TMEM74: variants seen among roughly 807,000 people sequenced by gnomAD.
TMEM74 encodes transmembrane protein 74.
A neutral mutation model predicts 18.1 loss-of-function variants in TMEM74; 13 were observed. The ratio of observed to expected loss-of-function variants is 0.72; its 90% CI spans 0.47 to 1.14. The LOEUF is 1.14. Among genes scored for constraint, TMEM74 ranks in the 50% most tolerant of loss-of-function variants. TMEM74 has a pLI of 0.00. For synonymous variants in TMEM74, 159 were observed against 146.6 expected (o/e 1.08, Z -0.61); for missense variants, 372 against 375.9 (o/e 0.99, Z 0.09).
intron 2 of TMEM74, among the ~76,000 whole-genome samples, chr8:108,629,021 C>T (rs1362077953): frequency 6.6e-6 from 1 of 151,782 alleles, no homozygotes; most frequent in African/African-American, 2.4e-5. Context: ...GTTTCTTGTA[C>T]ACTCTGGATA....
At chr8:108,769,409 C>G (rs940715544) in intron 1 of TMEM74, among the ~76,000 whole-genome samples, 13 of 152,102 alleles carry the variant, frequency 8.5e-5, no homozygotes, top group African/African-American at 3.1e-4. Context: ...AGCAAGCGCA[C>G]TTTTCCTTCT....
intron 1 of TMEM74, among the ~76,000 whole-genome samples, chr8:108,751,596 A>G (rs1245381844): frequency 1.3e-5 from 2 of 152,164 alleles, no homozygotes; most frequent in Non-Finnish European, 2.9e-5. Context: ...GTAACTGGTT[A>G]GAAAATTTAA....
rs371068383 is a variant in TMEM74, at chr8:108,748,716, A to G, written n.119+38760T>C. Among the ~76,000 whole-genome samples the G allele has an allele frequency of 6.2e-4, 82 of 133,080 alleles. No individual in the cohort carries two copies. The South Asian group carries it at 0.017, about 28-fold the overall frequency. The allele number at this position is 133,080 out of a possible 152,430, so 87.3% of individuals were successfully genotyped here. Reference sequence around the variant, plus strand: ...TTTTTTTAATAGGTTTTTTCTTTTTATATAGTTTTGGGTTTTACGTTTAAG... The same window carrying G: ...TTTTTTTAATAGGTTTTTTCTTTTTGTATAGTTTTGGGTTTTACGTTTAAG... On this transcript the variant is annotated intron_variant and non_coding_transcript_variant, in intron 1 of 3. Coordinates refer to the TMEM74 transcript ENST00000518838.
At chr8:108,648,093 T>C (rs986575814) in intron 2 of TMEM74, among the ~76,000 whole-genome samples, 1 of 152,130 alleles carries the variant, frequency 6.6e-6, no homozygotes, top group Non-Finnish European at 1.5e-5. Context: ...AATTGAAAAA[T>C]AGCCACAGGT....
At chr8:108,713,944 G>C (rs1308303583) in intron 1 of TMEM74, among the ~76,000 whole-genome samples, 1 of 152,206 alleles carries the variant, frequency 6.6e-6, no homozygotes, top group Non-Finnish European at 1.5e-5. Flanking sequence ...AGGCCAGGGA[G>C]CCTGGAGTTG....
At chr8:108,645,278 A>G (rs1328625090) in intron 2 of TMEM74, among the ~76,000 whole-genome samples, 1 of 152,100 alleles carries the variant, frequency 6.6e-6, no homozygotes, top group Non-Finnish European at 1.5e-5. Flanking sequence ...AAATGTTCTC[A>G]CTTATAAGTG....
chr8:108,630,704 G>A (rs180700073), intron 2 of TMEM74, among the ~76,000 whole-genome samples: 1 of 152,036 alleles, frequency 6.6e-6, no homozygotes, highest in East Asian at 1.9e-4. Context: ...GAAATAGTGG[G>A]TATTTACTAA....
At position 108,667,586 on chromosome 8, in the gene TMEM74, A is replaced by G. The variant is rs192798096; in HGVS notation, n.120-12149T>C. 2.0e-5 allele frequency among the ~76,000 whole-genome samples: 3 copies of G among 152,274 alleles called. No individual in the cohort carries two copies. In the East Asian group the frequency reaches 5.8e-4, roughly 29 times the overall value. The stretch of plus-strand genomic sequence containing the variant: ...GTAGTAGGAACTACTTACTGACTTC[A>G]GGATTTTCCATGATAATATAGTTAT... On this transcript the variant is annotated intron_variant and non_coding_transcript_variant, in intron 1 of 3. Transcript: ENST00000518838.
intron 1 of TMEM74, among the ~76,000 whole-genome samples, chr8:108,759,017 TTA>T (rs1184921770): frequency 6.6e-6 from 1 of 152,104 alleles, no homozygotes; most frequent in Non-Finnish European, 1.5e-5. Flanking sequence ...TATATAGTGT[TTA>T]TTTAAAGTAA....
chr8:108,638,564 T>TAA (rs34250538), intron 2 of TMEM74, among the ~76,000 whole-genome samples: 160 of 138,150 alleles, frequency 1.2e-3, no homozygotes, highest in East Asian at 7.1e-3. Context: ...TCTCTAGCAT[T>TAA]AAAAAAAAAA....
At chr8:108,611,388 A>G (rs1812332258) in intron 2 of TMEM74, among the ~76,000 whole-genome samples, 1 of 152,244 alleles carries the variant, frequency 6.6e-6, no homozygotes, top group Non-Finnish European at 1.5e-5. Context: ...CAAGTCATGT[A>G]AAATATCTGG....
chr8:108,728,568 C>T (rs1310904785), intron 1 of TMEM74, among the ~76,000 whole-genome samples: 1 of 152,124 alleles, frequency 6.6e-6, no homozygotes, highest in Non-Finnish European at 1.5e-5. Context: ...CCATAGCACA[C>T]TGGAAAACAC....
rs546700379 is a variant in TMEM74 at position 108,757,900 on chromosome 8, T to G, written n.119+29576A>C. Among the ~76,000 whole-genome samples, 23 of 152,154 alleles carry G rather than the reference T, an allele frequency of 1.5e-4. No individual in the cohort carries two copies. In the South Asian group the frequency reaches 4.6e-3, roughly 30 times the overall value. On this transcript the variant is annotated intron_variant and non_coding_transcript_variant, in intron 1 of 3. Coordinates refer to the TMEM74 transcript ENST00000518838. ...ACTGAAGCTTTGATGTCCTGAAGTCTGCATCTTTCACTCTTCAGTTGGATT... is the reference window on the plus strand; with the variant it reads ...ACTGAAGCTTTGATGTCCTGAAGTCGGCATCTTTCACTCTTCAGTTGGATT...
chr8:108,740,449 A>T (rs1813789003), intron 1 of TMEM74, among the ~76,000 whole-genome samples: 1 of 152,202 alleles, frequency 6.6e-6, no homozygotes, highest in African/African-American at 2.4e-5. Context: ...GAGCTGTACA[A>T]GTTCGTGAAT....
intron 2 of TMEM74, among the ~76,000 whole-genome samples, chr8:108,625,385 C>T (rs1472425440): frequency 2.0e-5 from 3 of 151,996 alleles, no homozygotes; most frequent in East Asian, 1.9e-4. Flanking sequence ...TATAGTCATG[C>T]GATGAGATCA....
At chr8:108,634,813 C>T (rs775134231) in intron 2 of TMEM74, among the ~76,000 whole-genome samples, 5 of 152,000 alleles carry the variant, frequency 3.3e-5, no homozygotes, top group Non-Finnish European at 5.9e-5. Flanking sequence ...GTAATGTATT[C>T]ACAGCACCAA....
At chr8:108,616,351 A>G (rs1812383658) in intron 2 of TMEM74, among the ~76,000 whole-genome samples, 2 of 152,216 alleles carry the variant, frequency 1.3e-5, no homozygotes, top group Non-Finnish European at 2.9e-5. Flanking sequence ...TTATTCCATA[A>G]GATGACATTA....
In TMEM74 at chr8:108,782,326, C is replaced by T. The variant is rs1814317145; in HGVS notation, c.*1855G>A. Among the ~76,000 whole-genome samples the T allele has an allele frequency of 6.6e-6, 1 of 152,160 alleles. No homozygotes were observed. The highest frequency in any genetic ancestry group is 1.5e-5 in the Non-Finnish European group (1 of 68,016). Reference sequence around the variant, plus strand: ...AAATACAGCAACAGAAAGCAAAAATCATGTTTATGTCATCTCAATTCTTTC... The same window carrying T: ...AAATACAGCAACAGAAAGCAAAAATTATGTTTATGTCATCTCAATTCTTTC... On this transcript the variant is annotated 3_prime_UTR_variant, in exon 2 of 2. Coordinates refer to ENST00000297459, the MANE Select transcript of TMEM74 (RefSeq NM_153015.3).
chr8:108,628,466 C>G (rs1812518100), intron 2 of TMEM74, among the ~76,000 whole-genome samples: 1 of 151,978 alleles, frequency 6.6e-6, no homozygotes, highest in Non-Finnish European at 1.5e-5. Flanking sequence ...ATGAACTCAT[C>G]CTTTTTTATG....
Sources: allele counts gnomAD v4.1 joint callset (sites outside exome capture counted in the v4.1 genomes callset), GRCh38; gene constraint gnomAD v4.1.1; transcripts MANE v1.5; gene names NCBI Gene and HGNC (gene_info 2026-07-23, HGNC 2026-07-21).